RGS7: variants seen among roughly 807,000 people sequenced by gnomAD.
RGS7 encodes the protein regulator of G protein signaling 7.
In RGS7, 27 loss-of-function variants were observed where a neutral mutation model predicts 81.1. The observed-to-expected ratio is 0.33, with a 90% CI of 0.25 to 0.46. The LOEUF (loss-of-function observed/expected upper bound fraction) is 0.46. RGS7 is among the 20% of genes least tolerant of loss of function. The pLI is 1.00. For synonymous variants in RGS7, 208 were observed against 207.7 expected, an observed-to-expected ratio of 1.00 and a Z score of -0.01; for missense variants, 396 against 607.4, an observed-to-expected ratio of 0.65 and a Z score of 3.66.
At chr1:241,338,288 C>T (rs528553756) in intron 2 of RGS7, among the ~76,000 whole-genome samples, 1 of 152,238 alleles carries the variant, frequency 6.6e-6, no homozygotes, top group South Asian at 2.1e-4. Flanking sequence ...CCAAATGATT[C>T]TAAACATAAA....
At chr1:240,904,639 T>C (rs1670536337) in intron 6 of RGS7, among the ~76,000 whole-genome samples, 1 of 152,158 alleles carries the variant, frequency 6.6e-6, no homozygotes, top group Non-Finnish European at 1.5e-5. Context: ...CTATTTTGAG[T>C]TTATGGGACA....
chr1:241,188,545 GGA>G (rs1297015757), intron 2 of RGS7, among the ~76,000 whole-genome samples: 2 of 151,878 alleles, frequency 1.3e-5, no homozygotes, highest in Non-Finnish European at 2.9e-5. Context: ...TTTAATCCAT[GGA>G]CATTTTATTT....
chr1:241,311,441 C>T, intron 2 of RGS7, among the ~76,000 whole-genome samples: 1 of 152,244 alleles, frequency 6.6e-6, no homozygotes, highest in East Asian at 1.9e-4. Context: ...TGTTTCTATC[C>T]TGACAAAGAC....
At chr1:240,922,445 TG>T (rs1558470290) in intron 6 of RGS7, among the ~76,000 whole-genome samples, 1 of 151,992 alleles carries the variant, frequency 6.6e-6, no homozygotes, top group Admixed American at 6.6e-5. Flanking sequence ...AACTACAGAC[TG>T]GGGGAAAATC....
intron 2 of RGS7, among the ~76,000 whole-genome samples, chr1:241,156,112 G>C (rs971788597): frequency 1.3e-5 from 2 of 150,492 alleles, no homozygotes; most frequent in African/African-American, 4.9e-5. Context: ...ACCTGAGATA[G>C]AGGATAGAAA....
chr1:241,197,951 A>G (rs1233510464), intron 2 of RGS7, among the ~76,000 whole-genome samples: 1 of 151,772 alleles, frequency 6.6e-6, no homozygotes, highest in Non-Finnish European at 1.5e-5. Context: ...CTATCTATCT[A>G]TCTATCTATC....
chr1:240,800,571 G>A (rs1687865192), intron 18 of RGS7, 70 bp downstream of exon 18: 1 of 883,636 alleles, frequency 1.1e-6, no homozygotes, highest in Non-Finnish European at 1.7e-6. Flanking sequence ...ACACACAGCA[G>A]CATGGAGCTA....
rs201027327 is a variant in RGS7 at position 241,144,147 on chromosome 1, C to CAT, written c.79-45387_79-45386dup. Among the ~76,000 whole-genome samples, 620 of 149,708 alleles carry CAT rather than the reference C, an allele frequency of 4.1e-3. 6 individuals carry two copies. Among genetic ancestry groups the CAT allele is most frequent in the African/African-American group, 0.012 (506 of 40,972 alleles). ...AATCTAGCTTTTCTAGTTTGTTCTT[C>CAT]ATATATATATATATATGAGCATTTT... On this transcript the variant is annotated intron_variant, in intron 2 of 18. Coordinates refer to ENST00000440928, the MANE Select transcript of RGS7 (RefSeq NM_001364886.1). The surrounding 1 kb of genome is among the most constrained non-coding windows in gnomAD (Gnocchi z 4.7).
At chr1:241,277,385 C>T (rs936894987) in intron 2 of RGS7, among the ~76,000 whole-genome samples, 6 of 152,016 alleles carry the variant, frequency 3.9e-5, no homozygotes, top group East Asian at 1.9e-4. Flanking sequence ...TTTGGGAGGC[C>T]GAGGCGGGCG....
intron 2 of RGS7, among the ~76,000 whole-genome samples, chr1:241,137,527 C>A (rs1324137290): frequency 2.0e-5 from 3 of 152,074 alleles, no homozygotes; most frequent in Non-Finnish European, 4.4e-5. Flanking sequence ...ATTATCAGAT[C>A]CTGAATGTTC....
At chr1:241,182,774 G>A (rs891125784) in intron 2 of RGS7, among the ~76,000 whole-genome samples, 3 of 149,618 alleles carry the variant, frequency 2.0e-5, no homozygotes, top group South Asian at 2.1e-4. Context: ...TCAGCCTCCC[G>A]AGTAGCTGGG....
chr1:240,843,165 C>CA (rs1159340091), intron 9 of RGS7, among the ~76,000 whole-genome samples: 2 of 139,060 alleles, frequency 1.4e-5, no homozygotes, highest in African/African-American at 5.4e-5. Flanking sequence ...AACTCTATCT[C>CA]AAAAAAATAA....
At chr1:241,019,385 C>A (rs1053145663) in intron 3 of RGS7, among the ~76,000 whole-genome samples, 1 of 151,850 alleles carries the variant, frequency 6.6e-6, no homozygotes, top group Non-Finnish European at 1.5e-5. Context: ...ACTTTAAGTT[C>A]TAGGGTACAT....
Position 240,776,094 on chromosome 1 carries a change from G to C in RGS7, c.*126C>G. The C allele has an allele frequency of 4.2e-6, 5 of 1,181,292 alleles. No homozygotes were observed. In the South Asian group the frequency reaches 6.1e-5, roughly 14 times the overall value. The allele number at this position is 1,181,292 out of a possible 1,614,324, so 73.2% of individuals were successfully genotyped here. On this transcript the variant is annotated 3_prime_UTR_variant, in exon 19 of 19. Coordinates refer to ENST00000440928, the MANE Select transcript of RGS7 (RefSeq NM_001364886.1). ...TCTTGTTCTAATGTCCTCTGCTCCA[G>C]GTCACAACATTGAGCTACAAAGTGT...
At chr1:241,330,353 T>C (rs1384311499) in intron 2 of RGS7, among the ~76,000 whole-genome samples, 1 of 152,246 alleles carries the variant, frequency 6.6e-6, no homozygotes, top group Non-Finnish European at 1.5e-5. Flanking sequence ...CCACATGATC[T>C]ATCAGATTCA....
chr1:241,060,348 G>A (rs879410319), intron 3 of RGS7, among the ~76,000 whole-genome samples: 1 of 152,146 alleles, frequency 6.6e-6, no homozygotes, highest in Non-Finnish European at 1.5e-5. Flanking sequence ...TGTAGATTGG[G>A]CATATCACTG....
chr1:240,947,107 C>A (rs1021239280), intron 4 of RGS7, among the ~76,000 whole-genome samples: 1 of 152,144 alleles, frequency 6.6e-6, no homozygotes, highest in Admixed American at 6.5e-5. Flanking sequence ...TGGTGGACAA[C>A]ACACACATGC....
At chr1:241,354,516 G>A (rs892218727) in intron 2 of RGS7, among the ~76,000 whole-genome samples, 1 of 152,106 alleles carries the variant, frequency 6.6e-6, no homozygotes, top group Admixed American at 6.5e-5. Flanking sequence ...GTACCAGGAC[G>A]CCTGTGCATC....
At chr1:241,353,388 T>C (rs750147414) in intron 2 of RGS7, among the ~76,000 whole-genome samples, 70 of 152,264 alleles carry the variant, frequency 4.6e-4, no homozygotes, top group Non-Finnish European at 8.8e-4. Context: ...GATCTATGTC[T>C]ACACACAGAT....
Sources: allele counts gnomAD v4.1 joint callset (sites outside exome capture counted in the v4.1 genomes callset), GRCh38; gene constraint gnomAD v4.1.1; non-coding constraint Gnocchi (gnomAD v3.1); transcripts MANE v1.5; gene names NCBI Gene and HGNC (gene_info 2026-07-23, HGNC 2026-07-21).